Variants in IGSF3 observed in about 807,000 individuals in gnomAD.
The protein encoded by IGSF3 is immunoglobulin superfamily member 3, also known as glu-Trp-Ile EWI motif-containing protein 3.
IGSF3 carries 23 observed loss-of-function variants against 114.4 expected under a neutral mutation model. The ratio of observed to expected loss-of-function variants is 0.20; its 90% CI spans 0.14 to 0.28. The LOEUF (loss-of-function observed/expected upper bound fraction) is 0.28, where lower values mean the gene tolerates loss of function less well. Ranked by LOEUF, IGSF3 falls within the 10% of genes least tolerant of loss-of-function variation. The pLI, the probability that IGSF3 is intolerant of heterozygous loss-of-function variation, is 1.00. For missense variants in IGSF3, 1,172 were observed against 1,591.5 expected, an observed-to-expected ratio of 0.74 and a Z score of 4.48; for synonymous variants, 571 against 645.2, an observed-to-expected ratio of 0.88 and a Z score of 1.74.
At position 116,654,158 on chromosome 1, in the gene IGSF3, C is replaced by T. The variant is rs1213976196; in HGVS notation, c.43+12126G>A. On this transcript the variant is annotated intron_variant, in intron 2 of 10. Transcript: ENST00000369486. This position sits in a 1 kb window ranked among gnomAD's most constrained non-coding sequence, Gnocchi z 4.4. The stretch of plus-strand genomic sequence containing the variant: ...ACACACCACCATCTCCAAACCAACA[C>T]CAAACCACTGCCAAACAAAGCTGAA... Among the ~76,000 whole-genome samples the T allele has an allele frequency of 6.6e-6, 1 of 152,212 alleles. No homozygotes were observed.
intron 10 of IGSF3, among the ~76,000 whole-genome samples, chr1:116,578,929 T>A (rs1322323479): frequency 6.6e-6 from 1 of 151,992 alleles, no homozygotes; most frequent in Non-Finnish European, 1.5e-5. Flanking sequence ...CACCTCAACC[T>A]CCAAGGCACC....
At chr1:116,645,747 TTC>T (rs1408085133) in intron 2 of IGSF3, among the ~76,000 whole-genome samples, 5 of 152,200 alleles carry the variant, frequency 3.3e-5, no homozygotes, top group African/African-American at 1.2e-4. Context: ...AAATATCCAC[TTC>T]TGTTTTCTTT....
rs1399613256 is a variant in IGSF3, at chr1:116,657,196, G to C, written c.43+9088C>G. Among the ~76,000 whole-genome samples, 1 of 152,090 alleles carries C rather than the reference G, an allele frequency of 6.6e-6. No individual in the cohort carries two copies. The highest frequency in any genetic ancestry group is 6.5e-5 in the Admixed American group (1 of 15,268). Reference sequence around the variant, plus strand: ...AATAGATTGTATCTGGCTGGGATAGGGTAGGTGTGATCTGACCCACAGCAA... The same window carrying C: ...AATAGATTGTATCTGGCTGGGATAGCGTAGGTGTGATCTGACCCACAGCAA... On this transcript the variant is annotated intron_variant, in intron 2 of 10. Coordinates refer to ENST00000369486, the MANE Select transcript of IGSF3 (RefSeq NM_001007237.3). This position sits in a 1 kb window ranked among gnomAD's most constrained non-coding sequence, Gnocchi z 4.2.
chr1:116,578,781 T>A (rs1040629476), intron 10 of IGSF3, among the ~76,000 whole-genome samples: 11 of 152,186 alleles, frequency 7.2e-5, no homozygotes, highest in Non-Finnish European at 1.3e-4. Context: ...CCAGCAATAC[T>A]TCCCCCAGTC....
chr1:116,608,305 T>C lies in IGSF3; in HGVS notation c.859A>G (p.Thr287Ala), dbSNP rs751820518. 6.2e-7 allele frequency: 1 copy of C among 1,613,562 alleles called. No homozygotes were observed. The highest frequency in any genetic ancestry group is 1.7e-5 in the Admixed American group (1 of 59,978). ...CCCACCGTGTGCAGCCGCTTCTCTG[T>C]CTCCAGCCGAACAGTGAATTCTTTG... is the stretch of plus-strand genomic sequence containing the variant. ...TDKEFTVRLE[T>A]EKRLHTVGEP... The change falls in exon 5 of 11, where the codon ACA (threonine) becomes GCA (alanine). Residue 287 changes from threonine to alanine, a missense_variant. Transcript: ENST00000369486.
intron 4 of IGSF3, among the ~76,000 whole-genome samples, chr1:116,611,400 A>G (rs1661013512): frequency 6.6e-6 from 1 of 152,170 alleles, no homozygotes; most frequent in Non-Finnish European, 1.5e-5. Flanking sequence ...ATACGTGCAC[A>G]TGAACACCAA....
chr1:116,574,871 T>C lies in IGSF3; in HGVS notation c.*2441A>G, dbSNP rs144772515. Reference sequence around the variant, plus strand: ...CAAAGAAAGAAGGTCCTGGGGTTTTTCATAGAAAGCTCAAAAAGTTCAACC... The same window carrying C: ...CAAAGAAAGAAGGTCCTGGGGTTTTCCATAGAAAGCTCAAAAAGTTCAACC... On this transcript the variant is annotated 3_prime_UTR_variant, in exon 11 of 11. Coordinates refer to ENST00000369486, the MANE Select transcript of IGSF3 (RefSeq NM_001007237.3). The surrounding 1 kb of genome is among the most constrained non-coding windows in gnomAD (Gnocchi z 5.2). 1.6e-4 allele frequency: 24 copies of C among 152,738 alleles called. No homozygotes were observed. The highest frequency in any genetic ancestry group is 5.3e-4 in the African/African-American group (22 of 41,570). 9.5% of individuals were successfully genotyped at this position (152,738 alleles called of 1,614,324 possible). A position where few individuals can be genotyped will look rare whatever the true frequency, so the allele number is the denominator to read the frequency against.
At chr1:116,609,816 A>G (rs904771943) in intron 4 of IGSF3, among the ~76,000 whole-genome samples, 23 of 152,256 alleles carry the variant, frequency 1.5e-4, no homozygotes, top group African/African-American at 5.1e-4. Flanking sequence ...CCAAGAAAAC[A>G]TAAGAATCAT....
At chr1:116,656,711 G>C (rs1254315135) in intron 2 of IGSF3, among the ~76,000 whole-genome samples, 1 of 152,160 alleles carries the variant, frequency 6.6e-6, no homozygotes, top group African/African-American at 2.4e-5. Flanking sequence ...ATCACCTGAG[G>C]TCAGGAGTTG....
Position 116,577,585 on chromosome 1 carries a change from C to G in IGSF3, c.3335-23G>C, listed in dbSNP as rs1364746315. On this transcript the variant is annotated intron_variant, in intron 10 of 10. Transcript: ENST00000369486. This position sits in a 1 kb window ranked among gnomAD's most constrained non-coding sequence, Gnocchi z 5.7. The stretch of plus-strand genomic sequence containing the variant: ...GACCTGAAAAGAATCATGAGAGAGA[C>G]AAGACAATGAGGGCTGAGAACCTGG... 1 of 1,611,216 alleles carries G rather than the reference C, an allele frequency of 6.2e-7. No homozygotes were observed.
At chr1:116,630,367 T>C (rs1647502190) in intron 2 of IGSF3, among the ~76,000 whole-genome samples, 1 of 152,258 alleles carries the variant, frequency 6.6e-6, no homozygotes, top group South Asian at 2.1e-4. Context: ...AAATAAGGAC[T>C]GAGTGCCTGC....
In IGSF3 at chr1:116,633,256, C is replaced by G. The variant is rs1647675460; in HGVS notation, c.44-16799G>C. The stretch of plus-strand genomic sequence containing the variant: ...CACTGCCGGATCAAGCACTTCCCAC[C>G]TCCTGCTCTGGGAAATCAGATCTCA... On this transcript the variant is annotated intron_variant, in intron 2 of 10. Coordinates refer to ENST00000369486, the MANE Select transcript of IGSF3 (RefSeq NM_001007237.3). The surrounding 1 kb of genome is among the most constrained non-coding windows in gnomAD (Gnocchi z 4.3). Among the ~76,000 whole-genome samples, 1 of 152,198 alleles carries G rather than the reference C, an allele frequency of 6.6e-6. No individual in the cohort carries two copies.
chr1:116,623,758 C>A (rs1661490213), intron 2 of IGSF3, among the ~76,000 whole-genome samples: 1 of 151,476 alleles, frequency 6.6e-6, no homozygotes, highest in Non-Finnish European at 1.5e-5. Context: ...CCCACAGGTG[C>A]AAGGACCTTA....
rs1429382686 is a variant in IGSF3, at chr1:116,607,772, G to C, written c.1222+170C>G. The stretch of plus-strand genomic sequence containing the variant: ...ATGGGGAGCCTGCTACATGTATGCA[G>C]GTGGGCTACAACAGGGAAGAGAGGC... On this transcript the variant is annotated intron_variant, in intron 5 of 10. Coordinates refer to ENST00000369486, the MANE Select transcript of IGSF3 (RefSeq NM_001007237.3). This position sits in a 1 kb window ranked among gnomAD's most constrained non-coding sequence, Gnocchi z 6.1. Among the ~76,000 whole-genome samples, 2 of 152,202 alleles carry C rather than the reference G, an allele frequency of 1.3e-5. No individual in the cohort carries two copies. Among genetic ancestry groups the C allele is most frequent in the Non-Finnish European group, 2.9e-5 (2 of 68,042 alleles).
rs4080133 is a variant in IGSF3, at chr1:116,644,552, C to T, written c.43+21732G>A. 6.6e-5 allele frequency among the ~76,000 whole-genome samples: 10 copies of T among 152,320 alleles called. No homozygotes were observed. Among genetic ancestry groups the T allele is most frequent in the South Asian group, 6.2e-4 (3 of 4,828 alleles). ...AGTAGGTGCCGTGAAAGCCAGGAAG[C>T]GAACTGCACAGAATGGACTGTTCCA... On this transcript the variant is annotated intron_variant, in intron 2 of 10. Coordinates refer to ENST00000369486, the MANE Select transcript of IGSF3 (RefSeq NM_001007237.3). This position sits in a 1 kb window ranked among gnomAD's most constrained non-coding sequence, Gnocchi z 5.6.
chr1:116,661,594 T>C lies in IGSF3; in HGVS notation c.43+4690A>G, dbSNP rs1649120441. On this transcript the variant is annotated intron_variant, in intron 2 of 10. Coordinates refer to ENST00000369486, the MANE Select transcript of IGSF3 (RefSeq NM_001007237.3). The surrounding 1 kb of genome is among the most constrained non-coding windows in gnomAD (Gnocchi z 4.0). Reference sequence around the variant, plus strand: ...CCTTCTTAGAAGCCAGAGGCTCGGCTTCAGAGTCAAACGGAATAGCTTATT... The same window carrying C: ...CCTTCTTAGAAGCCAGAGGCTCGGCCTCAGAGTCAAACGGAATAGCTTATT... Among the ~76,000 whole-genome samples the C allele has an allele frequency of 1.3e-5, 2 of 152,236 alleles. No individual in the cohort carries two copies. Among genetic ancestry groups the C allele is most frequent in the South Asian group, 4.1e-4 (2 of 4,836 alleles).
rs1647997817 is a variant in IGSF3, at chr1:116,639,758, T to C, written c.44-23301A>G. Reference sequence around the variant, plus strand: ...GTTAAAGGAGCTCCATGATCTACTATCATAAGATGACAAAGAAAATATGCA... The same window carrying C: ...GTTAAAGGAGCTCCATGATCTACTACCATAAGATGACAAAGAAAATATGCA... On this transcript the variant is annotated intron_variant, in intron 2 of 10. Coordinates refer to ENST00000369486, the MANE Select transcript of IGSF3 (RefSeq NM_001007237.3). Among the ~76,000 whole-genome samples, 4 of 152,174 alleles carry C rather than the reference T, an allele frequency of 2.6e-5. No homozygotes were observed. The South Asian group carries it at 6.2e-4, about 24-fold the overall frequency.
chr1:116,576,969 T>A lies in IGSF3; in HGVS notation c.*343A>T, dbSNP rs1412968214. On this transcript the variant is annotated 3_prime_UTR_variant, in exon 11 of 11. Coordinates refer to ENST00000369486, the MANE Select transcript of IGSF3 (RefSeq NM_001007237.3). This position sits in a 1 kb window ranked among gnomAD's most constrained non-coding sequence, Gnocchi z 4.6. ...GTAAACTAAAGGGATTTAAAAAGAGTACATTACAAAGAATAAGAAGCCCTG... is the reference window on the plus strand; with the variant it reads ...GTAAACTAAAGGGATTTAAAAAGAGAACATTACAAAGAATAAGAAGCCCTG... The A allele has an allele frequency of 4.8e-6, 1 of 209,282 alleles. No individual in the cohort carries two copies. The highest frequency in any genetic ancestry group is 9.6e-6 in the Non-Finnish European group (1 of 103,658). The allele number at this position is 209,282 out of a possible 1,614,324, so 13.0% of individuals were successfully genotyped here.
chr1:116,656,568 G>A (rs1225273532), intron 2 of IGSF3, among the ~76,000 whole-genome samples: 1 of 151,904 alleles, frequency 6.6e-6, no homozygotes, highest in Non-Finnish European at 1.5e-5. Flanking sequence ...GGGATTACAG[G>A]CGTGACTTTC....
Sources: gnomAD v4.1 joint callset for allele counts (sites outside exome capture counted in the v4.1 genomes callset) on GRCh38, gnomAD v4.1.1 for gene constraint, Gnocchi (gnomAD v3.1) non-coding constraint, MANE v1.5 for transcripts, NCBI Gene and HGNC (gene_info 2026-07-23, HGNC 2026-07-21) for gene names.